ABTB2: variants seen among roughly 807,000 people sequenced by gnomAD.
The protein encoded by ABTB2 is ankyrin repeat and BTB domain containing 2.
ABTB2 carries 56 observed loss-of-function variants against 104.1 expected under a neutral mutation model. The ratio of observed to expected loss-of-function variants is 0.54; its 90% CI spans 0.43 to 0.67. The LOEUF (loss-of-function observed/expected upper bound fraction) is 0.67. Among genes scored for constraint, ABTB2 ranks in the 30% least tolerant of loss-of-function variants. The probability of loss-of-function intolerance (pLI) is 0.00; values close to 1 mark genes in which losing one functional copy is unlikely to be tolerated. For synonymous variants in ABTB2, 606 were observed against 608.2 expected, an observed-to-expected ratio of 1.00 and a Z score of 0.05; for missense variants, 1,279 against 1,407.7, an observed-to-expected ratio of 0.91 and a Z score of 1.46.
chr11:34,277,930 A>G (rs1214442156), intron 1 of ABTB2, among the ~76,000 whole-genome samples: 8 of 147,418 alleles, frequency 5.4e-5, no homozygotes, highest in Non-Finnish European at 1.0e-4. Context: ...TCAGCCTCCC[A>G]AGTAGCTGGG....
At chr11:34,339,180 C>T (rs975094027) in intron 1 of ABTB2, among the ~76,000 whole-genome samples, 20 of 152,170 alleles carry the variant, frequency 1.3e-4, no homozygotes, top group Admixed American at 1.2e-3. Flanking sequence ...ACAAGTGATC[C>T]TCCCACCTAG....
intron 2 of ABTB2, among the ~76,000 whole-genome samples, chr11:34,204,034 G>C (rs1853376105): frequency 6.6e-6 from 1 of 152,240 alleles, no homozygotes; most frequent in Non-Finnish European, 1.5e-5. Flanking sequence ...TTCCAAGTGT[G>C]TGCCACAGAG....
At chr11:34,245,782 C>A (rs1453251434) in intron 1 of ABTB2, among the ~76,000 whole-genome samples, 12 of 152,186 alleles carry the variant, frequency 7.9e-5, no homozygotes, top group Non-Finnish European at 1.8e-4. Context: ...CTTTGGTGGG[C>A]TGCTGCTTCC....
intron 1 of ABTB2, among the ~76,000 whole-genome samples, chr11:34,270,293 C>A (rs1010038337): frequency 6.6e-6 from 1 of 151,502 alleles, no homozygotes; most frequent in Non-Finnish European, 1.5e-5. Context: ...ACATAGCCCA[C>A]GTATCTTTGA....
intron 4 of ABTB2, among the ~76,000 whole-genome samples, chr11:34,172,418 A>ATATATATG (rs55819950): frequency 0.074 from 6,156 of 82,936 alleles, 613 homozygotes; most frequent in Non-Finnish European, 0.092. Flanking sequence ...ATATATATAT[A>ATATATATG]TGTGTGTGTG....
intron 10 of ABTB2, among the ~76,000 whole-genome samples, chr11:34,162,276 G>C (rs760694351): frequency 9.2e-5 from 14 of 152,244 alleles, no homozygotes; most frequent in Non-Finnish European, 1.9e-4. Flanking sequence ...TCCCTGGGCT[G>C]TGACTGGGGA....
chr11:34,202,669 G>A (rs902521883), intron 2 of ABTB2, among the ~76,000 whole-genome samples: 3 of 151,990 alleles, frequency 2.0e-5, no homozygotes, highest in East Asian at 1.9e-4. Context: ...GTGAAACCCC[G>A]TCTCTACTAA....
intron 13 of ABTB2, among the ~76,000 whole-genome samples, 194 bp downstream of exon 13, chr11:34,159,712 C>G (rs1307905028): frequency 6.6e-6 from 1 of 152,262 alleles, no homozygotes; most frequent in Non-Finnish European, 1.5e-5. Context: ...TCAGAGCCCC[C>G]CTTTCCTGCT....
Position 34,251,152 on chromosome 11 carries a change from G to A in ABTB2, c.884-46462C>T, listed in dbSNP as rs369473100. ...CTGTTGTAAAGGGGAAGTAGGAGGA[G>A]CCTCTCAGAGGCAAGGAGAATGGCT... is the stretch of plus-strand genomic sequence containing the variant. On this transcript the variant is annotated intron_variant, in intron 1 of 16. Transcript: ENST00000435224. Among the ~76,000 whole-genome samples, 9 of 152,226 alleles carry A rather than the reference G, an allele frequency of 5.9e-5. 1 individual carries two copies. In the South Asian group the frequency reaches 6.2e-4, roughly 10 times the overall value.
intron 1 of ABTB2, among the ~76,000 whole-genome samples, chr11:34,263,807 C>T (rs899306881): frequency 7.2e-5 from 11 of 152,292 alleles, no homozygotes; most frequent in South Asian, 2.1e-4. Context: ...AAGTGACACA[C>T]GACACACATC....
chr11:34,197,035 A>G (rs531416188), intron 3 of ABTB2, among the ~76,000 whole-genome samples: 39 of 152,310 alleles, frequency 2.6e-4, no homozygotes, highest in Admixed American at 2.4e-3. Context: ...AGGCAGCTGA[A>G]TTTCAGAGAG....
chr11:34,182,869 G>A (rs1289696141), intron 3 of ABTB2, among the ~76,000 whole-genome samples: 4 of 151,980 alleles, frequency 2.6e-5, no homozygotes, highest in African/African-American at 7.3e-5. Flanking sequence ...TATTATTTCC[G>A]TTTTATACAT....
chr11:34,321,575 T>C (rs1045310173), intron 1 of ABTB2, among the ~76,000 whole-genome samples: 1 of 152,218 alleles, frequency 6.6e-6, no homozygotes. Context: ...TATTGTCTCC[T>C]GTAAGAAGAG....
At position 34,325,950 on chromosome 11, in the gene ABTB2, AAAAATAAAATAAAATAAAATAAAAT is replaced by A. The variant is rs60780111; in HGVS notation, c.883+30726_883+30750del. The stretch of plus-strand genomic sequence containing the variant: ...TGGGCGACAGAGTGAGACAGTCTCA[AAAAATAAAATAAAATAAAATAAAAT>A]AAAATAAAATAAAATAAAATAAAAT... On this transcript the variant is annotated intron_variant, in intron 1 of 16. Coordinates refer to ENST00000435224, the MANE Select transcript of ABTB2 (RefSeq NM_145804.3). 6.6e-4 allele frequency among the ~76,000 whole-genome samples: 78 copies of A among 117,958 alleles called. 1 individual carries two copies. Among genetic ancestry groups the A allele is most frequent in the South Asian group, 1.7e-3 (6 of 3,610 alleles). The allele number at this position is 117,958 out of a possible 152,430, so 77.4% of individuals were successfully genotyped here.
chr11:34,166,584 G>C (rs1852803653), intron 7 of ABTB2, among the ~76,000 whole-genome samples: 1 of 152,254 alleles, frequency 6.6e-6, no homozygotes, highest in Non-Finnish European at 1.5e-5. Context: ...ACCTAGTGGG[G>C]AGCGAGGGTG....
chr11:34,254,187 C>G (rs915988570), intron 1 of ABTB2, among the ~76,000 whole-genome samples: 20 of 152,214 alleles, frequency 1.3e-4, no homozygotes, highest in African/African-American at 4.8e-4. Context: ...ACTGCAGAAT[C>G]TCTTCCATGA....
intron 2 of ABTB2, among the ~76,000 whole-genome samples, chr11:34,201,587 G>A (rs1853339612): frequency 6.6e-6 from 1 of 152,176 alleles, no homozygotes; most frequent in African/African-American, 2.4e-5. Context: ...GAGGCTCAGG[G>A]AGTTAATGCA....
intron 3 of ABTB2, among the ~76,000 whole-genome samples, chr11:34,195,396 G>GT (rs1177006006): frequency 6.6e-6 from 1 of 152,206 alleles, no homozygotes; most frequent in Non-Finnish European, 1.5e-5. Flanking sequence ...CCCGCCAAAG[G>GT]TGTCTTTCAG....
chr11:34,321,119 T>G (rs542927282), intron 1 of ABTB2, among the ~76,000 whole-genome samples: 2 of 151,992 alleles, frequency 1.3e-5, no homozygotes, highest in African/African-American at 4.8e-5. Flanking sequence ...GAGGCGGAGG[T>G]TGCAGTGAGC....
Sources: allele counts gnomAD v4.1 joint callset (sites outside exome capture counted in the v4.1 genomes callset), GRCh38; gene constraint gnomAD v4.1.1; transcripts MANE v1.5; gene names NCBI Gene and HGNC (gene_info 2026-07-23, HGNC 2026-07-21).